Variants in EVI5 observed in about 807,000 individuals in gnomAD.
EVI5 encodes the protein ecotropic viral integration site 5.
Under a neutral mutation model 112.0 loss-of-function variants are expected in EVI5, and 73 were observed. The ratio of observed to expected loss-of-function variants is 0.65; its 90% CI spans 0.54 to 0.79. The LOEUF (loss-of-function observed/expected upper bound fraction) is 0.79. EVI5 is among the 30% of genes least tolerant of loss of function. EVI5 has a pLI of 0.00. For synonymous variants in EVI5, 305 were observed against 319.9 expected, an observed-to-expected ratio of 0.95 and a Z score of 0.50; for missense variants, 900 against 968.8, an observed-to-expected ratio of 0.93 and a Z score of 0.94.
chr1:92,748,931 TG>T (rs1342475518), intron 1 of EVI5, among the ~76,000 whole-genome samples: 3 of 151,526 alleles, frequency 2.0e-5, no homozygotes, highest in African/African-American at 4.8e-5. Flanking sequence ...CTGGGCGTGG[TG>T]GCGTATATGT....
intron 5 of EVI5, among the ~76,000 whole-genome samples, chr1:92,701,099 TAA>T (rs1671091643): frequency 6.6e-6 from 1 of 152,216 alleles, no homozygotes; most frequent in Admixed American, 6.5e-5. Context: ...ATTTTTATTA[TAA>T]ATCAGTGTCT....
intron 9 of EVI5, among the ~76,000 whole-genome samples, chr1:92,683,198 T>A (rs1447609020): frequency 6.6e-6 from 1 of 151,276 alleles, no homozygotes; most frequent in East Asian, 1.9e-4. Flanking sequence ...AATTCAGAAA[T>A]TTTTTCTGAA....
chr1:92,783,491 A>T (rs944282040), intron 1 of EVI5, among the ~76,000 whole-genome samples: 15 of 112,712 alleles, frequency 1.3e-4, no homozygotes, highest in East Asian at 7.9e-4. Flanking sequence ...CTTAAAAAAA[A>T]AAAAAAAAAA....
chr1:92,535,136 A>G (rs568490258), intron 19 of EVI5, among the ~76,000 whole-genome samples: 3 of 152,316 alleles, frequency 2.0e-5, no homozygotes, highest in East Asian at 1.9e-4. Flanking sequence ...CAAAAGAAGA[A>G]GTTTATGCAC....
intron 2 of EVI5, among the ~76,000 whole-genome samples, chr1:92,713,054 C>T (rs972482564): frequency 6.6e-5 from 10 of 152,014 alleles, no homozygotes; most frequent in Non-Finnish European, 1.2e-4. Context: ...TCCCAAAGTG[C>T]TACCATTAGA....
At chr1:92,629,870 T>C (rs974504870) in intron 14 of EVI5, among the ~76,000 whole-genome samples, 7 of 134,390 alleles carry the variant, frequency 5.2e-5, no homozygotes, top group African/African-American at 2.0e-4. Context: ...CCTGTGTCCA[T>C]GTGTTCCCAT....
At chr1:92,590,317 G>C (rs181332644) in intron 18 of EVI5, among the ~76,000 whole-genome samples, 1 of 152,220 alleles carries the variant, frequency 6.6e-6, no homozygotes, top group South Asian at 2.1e-4. Context: ...GAACTACTCC[G>C]AGCTAAAGGA....
chr1:92,549,889 A>T (rs1180102225), intron 19 of EVI5, among the ~76,000 whole-genome samples: 1 of 152,228 alleles, frequency 6.6e-6, no homozygotes, highest in African/African-American at 2.4e-5. Context: ...GAACACTTTT[A>T]CACAGTTGGT....
At chr1:92,623,276 A>G (rs528599797) in intron 16 of EVI5, among the ~76,000 whole-genome samples, 2 of 152,338 alleles carry the variant, frequency 1.3e-5, no homozygotes, top group South Asian at 4.1e-4. Context: ...ACTTTGAACA[A>G]TGTAAAACAA....
At chr1:92,584,240 T>C (rs1309895267) in intron 18 of EVI5, among the ~76,000 whole-genome samples, 2 of 152,180 alleles carry the variant, frequency 1.3e-5, no homozygotes, top group Non-Finnish European at 2.9e-5. Flanking sequence ...AGCAATCTCT[T>C]GATTGTTTAA....
intron 1 of EVI5, among the ~76,000 whole-genome samples, chr1:92,764,886 C>T (rs1682369841): frequency 6.6e-6 from 1 of 152,098 alleles, no homozygotes; most frequent in Admixed American, 6.5e-5. Context: ...AAGTTTCCTA[C>T]ATGCCAAAAA....
chr1:92,783,338 C>T (rs930137041), intron 1 of EVI5, among the ~76,000 whole-genome samples: 11 of 142,640 alleles, frequency 7.7e-5, no homozygotes, highest in African/African-American at 2.9e-4. Context: ...CCAGCCTGAC[C>T]AACACGGTGA....
intron 14 of EVI5, among the ~76,000 whole-genome samples, chr1:92,631,827 C>T (rs981517274): frequency 9.9e-5 from 15 of 152,036 alleles, no homozygotes; most frequent in African/African-American, 3.4e-4. Flanking sequence ...TTGTCATAAA[C>T]AGCTCTTATG....
At chr1:92,640,872 A>C (rs1454089461) in intron 13 of EVI5, among the ~76,000 whole-genome samples, 1 of 152,238 alleles carries the variant, frequency 6.6e-6, no homozygotes, top group African/African-American at 2.4e-5. Context: ...AATGTGGTAC[A>C]TAAACACCAT....
intron 18 of EVI5, among the ~76,000 whole-genome samples, chr1:92,569,600 A>C (rs1669995647): frequency 6.6e-6 from 1 of 152,122 alleles, no homozygotes; most frequent in African/African-American, 2.4e-5. Flanking sequence ...TCATGCCTGA[A>C]ATCCCAGCAC....
chr1:92,563,733 T>A lies in EVI5; in HGVS notation c.2075A>T (p.Glu692Val). 1 of 1,599,398 alleles carries A rather than the reference T, an allele frequency of 6.3e-7. No individual in the cohort carries two copies. The highest frequency in any genetic ancestry group is 2.2e-5 in the East Asian group (1 of 44,478). Residue 692 changes from glutamate to valine, a missense_variant, in exon 19 of 20, where the codon GAA becomes GTA. Glu to Val is a moderately radical substitution (Grantham distance 121, BLOSUM62 -2). Coordinates refer to ENST00000684568, the MANE Select transcript of EVI5 (RefSeq NM_001350197.2). The stretch of plus-strand genomic sequence containing the variant: ...AAGCTGTCCTTGAAGCTTTCCTTCT[T>A]CTTTCTGTTTTGTGACAAAACAACA... ...QHIAELEIQK[E>V]EGKLQGQLNK...
chr1:92,605,362 T>C lies in EVI5; in HGVS notation c.2015A>G (p.Asp672Gly). The C allele has an allele frequency of 2.5e-6, 4 of 1,613,724 alleles. No individual in the cohort carries two copies. Among genetic ancestry groups the C allele is most frequent in the African/African-American group, 1.3e-5 (1 of 75,044 alleles). Reference protein sequence around the residue: ...EVMAVRLREADSIAAVAELRQ... With the variant: ...EVMAVRLREAGSIAAVAELRQ... Reference sequence around the variant, plus strand: ...TAGTTCAGCCACAGCAGCTATGCTATCTGCTTCCCGAAGCCTCACAGCCAT... The same window carrying C: ...TAGTTCAGCCACAGCAGCTATGCTACCTGCTTCCCGAAGCCTCACAGCCAT... The change falls in exon 18 of 20, where the codon GAT becomes GGT. Residue 672 changes from aspartate to glycine, a missense_variant. Physicochemically the swap from Asp to Gly is moderately conservative, Grantham distance 94. Coordinates refer to ENST00000684568, the MANE Select transcript of EVI5 (RefSeq NM_001350197.2).
intron 16 of EVI5, among the ~76,000 whole-genome samples, chr1:92,617,532 G>A (rs1417965744): frequency 6.6e-6 from 1 of 152,178 alleles, no homozygotes; most frequent in Non-Finnish European, 1.5e-5. Context: ...TCTTTTCCAA[G>A]CCACCCATCG....
chr1:92,687,021 C>T (rs1668657438), intron 9 of EVI5, among the ~76,000 whole-genome samples: 1 of 152,132 alleles, frequency 6.6e-6, no homozygotes, highest in South Asian at 2.1e-4. Context: ...GTTTTCTTCA[C>T]AGAATTAGAA....
Sources: allele counts gnomAD v4.1 joint callset (sites outside exome capture counted in the v4.1 genomes callset), GRCh38; gene constraint gnomAD v4.1.1; transcripts MANE v1.5; gene names NCBI Gene and HGNC (gene_info 2026-07-23, HGNC 2026-07-21).